Variants in KIF6 observed in about 807,000 individuals in gnomAD.
The protein encoded by KIF6 is kinesin family member 6.
A neutral mutation model predicts 112.7 loss-of-function variants in KIF6; 106 were observed. That is an observed-to-expected ratio of 0.94 (90% CI 0.80 to 1.11). KIF6 has a LOEUF of 1.11. Ranked by LOEUF, KIF6 falls within the 50% of genes least tolerant of loss-of-function variation. KIF6 has a pLI of 0.00. For missense variants in KIF6, 929 were observed against 964.0 expected (o/e 0.96, Z 0.48); for synonymous variants, 339 against 339.9 (o/e 1.00, Z 0.03).
intron 13 of KIF6, among the ~76,000 whole-genome samples, chr6:39,437,918 TTGA>T (rs530206270): frequency 4.5e-4 from 68 of 152,312 alleles, no homozygotes; most frequent in African/African-American, 1.6e-3. Context: ...TACATAATAC[TTGA>T]TAATAAATGA....
chr6:39,373,730 A>C (rs1168264792), intron 16 of KIF6, among the ~76,000 whole-genome samples: 2 of 152,190 alleles, frequency 1.3e-5, no homozygotes, highest in African/African-American at 4.8e-5. Flanking sequence ...ATGGAAAAAA[A>C]CCACAGATAA....
At chr6:39,440,693 G>A (rs766737585) in intron 13 of KIF6, among the ~76,000 whole-genome samples, 6 of 152,136 alleles carry the variant, frequency 3.9e-5, no homozygotes, top group Non-Finnish European at 8.8e-5. Flanking sequence ...TTGATGGGAG[G>A]AAAAGGAAAT....
intron 3 of KIF6, among the ~76,000 whole-genome samples, chr6:39,684,416 G>A (rs939450134): frequency 4.6e-5 from 7 of 152,000 alleles, no homozygotes; most frequent in African/African-American, 1.7e-4. Context: ...GGGAGTTCGA[G>A]GCCAGCCTGA....
intron 13 of KIF6, among the ~76,000 whole-genome samples, chr6:39,501,025 A>G (rs1408798884): frequency 6.6e-6 from 1 of 152,228 alleles, no homozygotes; most frequent in African/African-American, 2.4e-5. Flanking sequence ...AGCACCTTCA[A>G]CTGAAATATC....
At chr6:39,362,637 C>T in intron 16 of KIF6, 119 bp from the exon 17 acceptor site, 1 of 754,932 alleles carries the variant, frequency 1.3e-6, no homozygotes, top group South Asian at 1.5e-5. Flanking sequence ...CTGTGAGTTC[C>T]TTCTGGGGCC....
At chr6:39,555,023 C>T (rs1215998120) in intron 10 of KIF6, 1 of 154,058 alleles carries the variant, frequency 6.5e-6, no homozygotes, top group East Asian at 1.9e-4. Flanking sequence ...CCTACCCCAT[C>T]ACTACACAGC....
chr6:39,606,032 A>G (rs1782864751), intron 6 of KIF6, among the ~76,000 whole-genome samples: 2 of 151,872 alleles, frequency 1.3e-5, no homozygotes. Context: ...GCATAATTGG[A>G]TGCTCCTTTG....
intron 3 of KIF6, among the ~76,000 whole-genome samples, chr6:39,642,706 A>T (rs1027745380): frequency 6.6e-6 from 1 of 152,202 alleles, no homozygotes; most frequent in Admixed American, 6.5e-5. Context: ...CCAAAAACTT[A>T]GAAAAACCTG....
chr6:39,704,981 G>A (rs567952890), intron 3 of KIF6, among the ~76,000 whole-genome samples: 1 of 152,296 alleles, frequency 6.6e-6, no homozygotes, highest in East Asian at 1.9e-4. Flanking sequence ...TTAGGATAAG[G>A]TGCTTTAATT....
At chr6:39,669,508 A>G (rs2150827898) in intron 3 of KIF6, among the ~76,000 whole-genome samples, 1 of 152,312 alleles carries the variant, frequency 6.6e-6, no homozygotes, top group Admixed American at 6.5e-5. Flanking sequence ...TATTTTCCAC[A>G]TCTCACATAG....
intron 10 of KIF6, among the ~76,000 whole-genome samples, chr6:39,575,044 A>C (rs978305443): frequency 1.3e-5 from 2 of 152,046 alleles, no homozygotes; most frequent in African/African-American, 4.8e-5. Context: ...ACCATATTCT[A>C]TTTCTCTAAA....
At chr6:39,425,833 G>A (rs1414144141) in intron 14 of KIF6, among the ~76,000 whole-genome samples, 3 of 149,308 alleles carry the variant, frequency 2.0e-5, no homozygotes, top group Non-Finnish European at 4.5e-5. Flanking sequence ...GGGTTAAAAT[G>A]AAAGTCTAAT....
chr6:39,699,849 AT>A (rs1231795244), intron 3 of KIF6, among the ~76,000 whole-genome samples: 1 of 152,170 alleles, frequency 6.6e-6, no homozygotes, highest in Non-Finnish European at 1.5e-5. Context: ...GATCACACAA[AT>A]TTCCTCGCTT....
At chr6:39,693,733 C>A (rs1350332273) in intron 3 of KIF6, among the ~76,000 whole-genome samples, 1 of 151,958 alleles carries the variant, frequency 6.6e-6, no homozygotes, top group Non-Finnish European at 1.5e-5. Context: ...AGAATTCTAC[C>A]AGATGTACAA....
intron 13 of KIF6, among the ~76,000 whole-genome samples, chr6:39,464,994 G>A (rs550775430): frequency 1.3e-5 from 2 of 152,342 alleles, no homozygotes; most frequent in African/African-American, 2.4e-5. Flanking sequence ...ACAGGAGCTA[G>A]CAGCTCTAAG....
chr6:39,533,105 C>T (rs180981920), intron 13 of KIF6, among the ~76,000 whole-genome samples: 12 of 152,338 alleles, frequency 7.9e-5, no homozygotes, highest in Non-Finnish European at 1.2e-4. Context: ...GTGATTTCTG[C>T]ATTTCTGTCT....
chr6:39,627,176 T>C (rs1784135327), intron 5 of KIF6, among the ~76,000 whole-genome samples: 1 of 152,150 alleles, frequency 6.6e-6, no homozygotes, highest in African/African-American at 2.4e-5. Context: ...AGCCCTATGC[T>C]TCAACTTCTC....
chr6:39,505,959 C>A (rs1160431591), intron 13 of KIF6, among the ~76,000 whole-genome samples: 1 of 152,108 alleles, frequency 6.6e-6, no homozygotes, highest in Non-Finnish European at 1.5e-5. Flanking sequence ...TCCTCAAAGA[C>A]CTAGAGGTAG....
intron 15 of KIF6, 41 bp downstream of exon 15, chr6:39,419,907 A>G: frequency 6.5e-7 from 1 of 1,543,346 alleles, no homozygotes; most frequent in East Asian, 2.2e-5. Context: ...TCACCAGGAA[A>G]ATGGTTTCTG....
Sources: allele counts gnomAD v4.1 joint callset (sites outside exome capture counted in the v4.1 genomes callset), GRCh38; gene constraint gnomAD v4.1.1; transcripts MANE v1.5; gene names NCBI Gene and HGNC (gene_info 2026-07-23, HGNC 2026-07-21).